NR6A1: variants seen among roughly 807,000 people sequenced by gnomAD.
The protein encoded by NR6A1 is nuclear receptor subfamily 6 group A member 1.
In NR6A1, 7 loss-of-function variants were observed where a neutral mutation model predicts 59.1. The ratio of observed to expected loss-of-function variants is 0.12; its 90% CI spans 0.07 to 0.22. NR6A1 has a LOEUF of 0.22. Ranked by LOEUF, NR6A1 falls within the 10% of genes least tolerant of loss-of-function variation. The probability of loss-of-function intolerance (pLI) is 1.00; values close to 1 mark genes in which losing one functional copy is unlikely to be tolerated. For missense variants in NR6A1, 468 were observed against 611.6 expected (o/e 0.77, Z 2.48); for synonymous variants, 243 against 236.1 (o/e 1.03, Z -0.27).
chr9:124,728,230 TGTGTTAG>T (rs1839783000), intron 2 of NR6A1, among the ~76,000 whole-genome samples: 1 of 151,648 alleles, frequency 6.6e-6, no homozygotes, highest in African/African-American at 2.4e-5. Flanking sequence ...GGGGTTTCAC[TGTGTTAG>T]CTGGGATGGT....
intron 1 of NR6A1, among the ~76,000 whole-genome samples, chr9:124,758,563 A>G (rs1008096046): frequency 6.6e-6 from 1 of 152,236 alleles, no homozygotes; most frequent in African/African-American, 2.4e-5. Context: ...AAATGAAAAA[A>G]GTGATCTTGT....
chr9:124,573,804 G>A (rs1005837297), intron 2 of NR6A1, among the ~76,000 whole-genome samples: 2 of 152,082 alleles, frequency 1.3e-5, no homozygotes, highest in African/African-American at 4.8e-5. Context: ...AAAAACCACT[G>A]TTTTTTAAAG....
intron 1 of NR6A1, among the ~76,000 whole-genome samples, chr9:124,756,594 T>G (rs1187887075): frequency 6.6e-6 from 1 of 152,204 alleles, no homozygotes. Flanking sequence ...CAAATTAGCA[T>G]AAGATTTATT....
chr9:124,560,432 G>A (rs988318059), intron 2 of NR6A1, among the ~76,000 whole-genome samples: 10 of 152,224 alleles, frequency 6.6e-5, no homozygotes, highest in East Asian at 1.9e-4. Context: ...TGTGGTCGGC[G>A]TTACATTATT....
intron 2 of NR6A1, among the ~76,000 whole-genome samples, chr9:124,608,539 A>G (rs1401716483): frequency 6.6e-6 from 1 of 152,196 alleles, no homozygotes; most frequent in Admixed American, 6.5e-5. Context: ...TATCCAGTCT[A>G]TCATTCATGG....
chr9:124,619,657 C>CT (rs1312603921), intron 2 of NR6A1, among the ~76,000 whole-genome samples: 3 of 152,178 alleles, frequency 2.0e-5, no homozygotes, highest in Non-Finnish European at 4.4e-5. Flanking sequence ...TGGCCTGCTG[C>CT]TTACTAGAAG....
At chr9:124,656,799 C>T (rs1826515937) in intron 2 of NR6A1, among the ~76,000 whole-genome samples, 1 of 152,104 alleles carries the variant, frequency 6.6e-6, no homozygotes, top group Non-Finnish European at 1.5e-5. Context: ...GCCATTGCAT[C>T]CCAGCTTGGG....
rs1342692322 is a variant in NR6A1, at chr9:124,517,486, G to A, written c.*5219C>T. On this transcript the variant is annotated 3_prime_UTR_variant, in exon 10 of 10. Transcript: ENST00000487099. ...CATTTGGTCATGGAGGGTTGATGGA[G>A]TCAGGCTGGCGGGCAGCCCTTGGCC... 6.6e-6 allele frequency: 1 copy of A among 152,268 alleles called. No individual in the cohort carries two copies. Among genetic ancestry groups the A allele is most frequent in the Non-Finnish European group, 1.5e-5 (1 of 68,068 alleles). The allele number at this position is 152,268 out of a possible 1,614,324, so 9.4% of individuals were successfully genotyped here.
At position 124,538,252 on chromosome 9, in the gene NR6A1, G is replaced by A. The variant is rs770678422; in HGVS notation, c.664C>T (p.His222Tyr). 19 of 1,614,104 alleles carry A rather than the reference G, an allele frequency of 1.2e-5. No homozygotes were observed. In the East Asian group the frequency reaches 3.6e-4, roughly 30 times the overall value. ...AAAAGGTGCGGTATATATTGGTAAT[G>A]TGGAGGCACAGACATTCCCATGTAC... is the stretch of plus-strand genomic sequence containing the variant. ...EQYMGMSVPP[H>Y]YQYIPHLFSY... The change falls in exon 6 of 10, where the codon CAT (histidine) becomes TAT (tyrosine). Residue 222 changes from histidine to tyrosine, a missense_variant. This residue lies in a region of NR6A1 where 151 missense variants were observed against 142.8 expected (regional missense o/e 1.06). Coordinates refer to ENST00000487099, the MANE Select transcript of NR6A1 (RefSeq NM_033334.4).
At chr9:124,625,227 C>T (rs1237140734) in intron 2 of NR6A1, among the ~76,000 whole-genome samples, 1 of 152,218 alleles carries the variant, frequency 6.6e-6, no homozygotes, top group Non-Finnish European at 1.5e-5. Flanking sequence ...TTTTAGTTTC[C>T]TCTTTTGACA....
In NR6A1 at chr9:124,517,608, G is replaced by C. The variant is rs1166746370; in HGVS notation, c.*5097C>G. On this transcript the variant is annotated 3_prime_UTR_variant, in exon 10 of 10. Coordinates refer to ENST00000487099, the MANE Select transcript of NR6A1 (RefSeq NM_033334.4). Reference sequence around the variant, plus strand: ...TGGACCTAGGGCAGGTAACCTGGGGGTAGGCTCGTGGATGTGTGTGCCACT... The same window carrying C: ...TGGACCTAGGGCAGGTAACCTGGGGCTAGGCTCGTGGATGTGTGTGCCACT... The C allele has an allele frequency of 1.3e-5, 2 of 152,304 alleles. No individual in the cohort carries two copies. Among genetic ancestry groups the C allele is most frequent in the African/African-American group, 4.8e-5 (2 of 41,446 alleles). 9.4% of individuals were successfully genotyped at this position (152,304 alleles called of 1,614,324 possible). A position where few individuals can be genotyped will look rare whatever the true frequency, so the allele number is the denominator to read the frequency against.
intron 2 of NR6A1, among the ~76,000 whole-genome samples, chr9:124,680,288 C>T (rs1376401646): frequency 6.6e-6 from 1 of 152,112 alleles, no homozygotes; most frequent in Non-Finnish European, 1.5e-5. Context: ...TTTCCCAAAA[C>T]CATAAAAAAG....
chr9:124,659,740 C>A (rs1052162856), intron 2 of NR6A1, among the ~76,000 whole-genome samples: 2 of 152,052 alleles, frequency 1.3e-5, no homozygotes, highest in Non-Finnish European at 2.9e-5. Context: ...ACCCTTTAAG[C>A]CTATGGACAT....
At chr9:124,753,526 AGAG>A (rs1335834452) in intron 1 of NR6A1, among the ~76,000 whole-genome samples, 1 of 152,236 alleles carries the variant, frequency 6.6e-6, no homozygotes, top group Admixed American at 6.5e-5. Context: ...CTGGTTTAGC[AGAG>A]TAGTGGTTAG....
At chr9:124,543,022 T>C (rs1487671931) in intron 4 of NR6A1, among the ~76,000 whole-genome samples, 1 of 152,214 alleles carries the variant, frequency 6.6e-6, no homozygotes, top group Admixed American at 6.5e-5. Context: ...AGACTTTTCC[T>C]AAGGAGCTGT....
chr9:124,711,734 G>GTA (rs568760257), intron 2 of NR6A1, among the ~76,000 whole-genome samples: 226 of 152,266 alleles, frequency 1.5e-3, no homozygotes, highest in African/African-American at 5.3e-3. Flanking sequence ...TACCCACTGA[G>GTA]TAAGTCAAGA....
intron 1 of NR6A1, among the ~76,000 whole-genome samples, chr9:124,752,282 AATTAAAT>A (rs1239787834): frequency 6.6e-6 from 1 of 152,182 alleles, no homozygotes. Context: ...CAAACAAAAA[AATTAAAT>A]AAGAAAAAAT....
intron 2 of NR6A1, among the ~76,000 whole-genome samples, chr9:124,702,263 C>T (rs1160210481): frequency 3.9e-5 from 6 of 152,106 alleles, no homozygotes; most frequent in Non-Finnish European, 8.8e-5. Flanking sequence ...GTATGGTGCA[C>T]TCTGAGTTAC....
intron 2 of NR6A1, among the ~76,000 whole-genome samples, chr9:124,649,202 A>T (rs1422350149): frequency 6.7e-6 from 1 of 150,104 alleles, no homozygotes; most frequent in Non-Finnish European, 1.5e-5. Context: ...ATATACTACC[A>T]AAGCTATAGT....
Sources: gnomAD v4.1 joint callset for allele counts (sites outside exome capture counted in the v4.1 genomes callset) on GRCh38, gnomAD v4.1.1 for gene constraint, gnomAD v4.1.1 regional missense constraint, MANE v1.5 for transcripts, NCBI Gene and HGNC (gene_info 2026-07-23, HGNC 2026-07-21) for gene names.